Variants in PCSK6 observed in about 807,000 individuals in gnomAD.
The protein encoded by PCSK6 is proprotein convertase subtilisin/kexin type 6.
In PCSK6, 85 loss-of-function variants were observed where a neutral mutation model predicts 123.3. The ratio of observed to expected loss-of-function variants is 0.69; its 90% confidence interval spans 0.58 to 0.83. The LOEUF (loss-of-function observed/expected upper bound fraction) is 0.83, where lower values mean the gene tolerates loss of function less well. PCSK6 is among the 40% of genes least tolerant of loss of function. The pLI is 0.00. For synonymous variants in PCSK6, 508 were observed against 516.0 expected (o/e 0.98, Z 0.21); for missense variants, 1,191 against 1,282.3 (o/e 0.93, Z 1.09).
intron 15 of PCSK6, among the ~76,000 whole-genome samples, chr15:101,329,876 C>T (rs991928888): frequency 4.6e-5 from 7 of 152,244 alleles, no homozygotes; most frequent in African/African-American, 1.7e-4. Context: ...CTCCTGCCCC[C>T]ATCCTCGCTG....
rs2056397927 is a variant in PCSK6 at position 101,430,078 on chromosome 15, C to T, written c.658-15G>A. 7 of 1,609,648 alleles carry T rather than the reference C, an allele frequency of 4.3e-6. No homozygotes were observed. Among genetic ancestry groups the T allele is most frequent in the African/African-American group, 2.7e-5 (2 of 74,794 alleles). On this transcript the variant is annotated splice_polypyrimidine_tract_variant and intron_variant, in intron 4 of 21. Coordinates refer to ENST00000611716, the MANE Select transcript of PCSK6 (RefSeq NM_002570.5). ...GCGTAGGAATCCTAAGAAATGGAAT[C>T]GTGGTGAGTGAGGAGAAATGGCATG...
intron 17 of PCSK6, among the ~76,000 whole-genome samples, chr15:101,324,358 G>A (rs2040199381): frequency 1.3e-5 from 2 of 152,240 alleles, no homozygotes; most frequent in Non-Finnish European, 2.9e-5. Context: ...GCCGAGGAGG[G>A]CTCTCCCCCA....
chr15:101,384,219 T>C, intron 10 of PCSK6, 103 bp downstream of exon 10: 17 of 1,518,310 alleles, frequency 1.1e-5, no homozygotes, highest in Non-Finnish European at 1.4e-5. Flanking sequence ...CAATTAATAA[T>C]AACAACTAAT....
intron 18 of PCSK6, among the ~76,000 whole-genome samples, chr15:101,320,331 C>T (rs2040090590): frequency 6.6e-6 from 1 of 152,226 alleles, no homozygotes; most frequent in African/African-American, 2.4e-5. Flanking sequence ...AGTGATCTGC[C>T]TGCCTCGGCC....
intron 2 of PCSK6, among the ~76,000 whole-genome samples, chr15:101,434,068 A>T (rs771614076): frequency 9.9e-5 from 15 of 152,246 alleles, no homozygotes; most frequent in Non-Finnish European, 1.6e-4. Context: ...AAATAAAACT[A>T]TAAAATGAGA....
chr15:101,370,809 C>T (rs73477062), intron 11 of PCSK6, among the ~76,000 whole-genome samples: 4 of 152,234 alleles, frequency 2.6e-5, no homozygotes, highest in East Asian at 1.9e-4. Flanking sequence ...TTTGGGAGGC[C>T]GAGGCACCGC....
intron 1 of PCSK6, among the ~76,000 whole-genome samples, chr15:101,486,741 T>C (rs2058029479): frequency 6.6e-6 from 1 of 152,114 alleles, no homozygotes; most frequent in African/African-American, 2.4e-5. Context: ...TTATTAGTTG[T>C]ATGGAAGAAA....
intron 1 of PCSK6, among the ~76,000 whole-genome samples, chr15:101,482,757 T>G (rs796604847): frequency 6.6e-6 from 1 of 152,136 alleles, no homozygotes; most frequent in Non-Finnish European, 1.5e-5. Flanking sequence ...AATGGTCCAG[T>G]CAGCTGAGCC....
intron 1 of PCSK6, among the ~76,000 whole-genome samples, chr15:101,481,235 A>G (rs192292568): frequency 6.6e-6 from 1 of 152,052 alleles, no homozygotes; most frequent in East Asian, 1.9e-4. Context: ...GACGAAGGGT[A>G]CATCCGGCGG....
At chr15:101,413,640 G>T (rs2055782972) in intron 6 of PCSK6, among the ~76,000 whole-genome samples, 1 of 152,144 alleles carries the variant, frequency 6.6e-6, no homozygotes, top group Non-Finnish European at 1.5e-5. Context: ...CAGACCGGGG[G>T]GCTACAGTTA....
chr15:101,436,556 G>A (rs1022919470), intron 2 of PCSK6, among the ~76,000 whole-genome samples: 4 of 152,164 alleles, frequency 2.6e-5, no homozygotes, highest in East Asian at 1.9e-4. Flanking sequence ...GGAGGGAGTC[G>A]GAGGCCATAC....
intron 1 of PCSK6, among the ~76,000 whole-genome samples, chr15:101,459,237 C>T (rs1443000740): frequency 6.6e-6 from 1 of 152,160 alleles, no homozygotes; most frequent in Non-Finnish European, 1.5e-5. Flanking sequence ...GCTGAAAGCC[C>T]CTACGTGCCT....
At chr15:101,351,916 G>T (rs189270069) in intron 13 of PCSK6, among the ~76,000 whole-genome samples, 71 of 152,226 alleles carry the variant, frequency 4.7e-4, no homozygotes, top group African/African-American at 1.7e-3. Context: ...TTTATAAAGT[G>T]AGGTCAGAAC....
At chr15:101,438,407 TCA>T (rs2056663252) in intron 2 of PCSK6, among the ~76,000 whole-genome samples, 1 of 152,168 alleles carries the variant, frequency 6.6e-6, no homozygotes, top group Non-Finnish European at 1.5e-5. Context: ...CTTATAGGAG[TCA>T]CATCTCTGGA....
At chr15:101,457,669 GC>G (rs2057224029) in intron 1 of PCSK6, among the ~76,000 whole-genome samples, 1 of 152,182 alleles carries the variant, frequency 6.6e-6, no homozygotes, top group African/African-American at 2.4e-5. Context: ...CCTAGACGGA[GC>G]CATACAGGGC....
intron 1 of PCSK6, among the ~76,000 whole-genome samples, chr15:101,481,720 A>G (rs2057890665): frequency 6.6e-6 from 1 of 152,164 alleles, no homozygotes; most frequent in Non-Finnish European, 1.5e-5. Context: ...CCACTAAGGT[A>G]GACAGGGGTC....
chr15:101,420,755 T>C (rs966976539), intron 6 of PCSK6, among the ~76,000 whole-genome samples: 1 of 152,178 alleles, frequency 6.6e-6, no homozygotes, highest in African/African-American at 2.4e-5. Flanking sequence ...AATATAAAAT[T>C]AAAGTCTCTC....
intron 11 of PCSK6, among the ~76,000 whole-genome samples, chr15:101,373,065 A>T (rs970566699): frequency 2.0e-5 from 3 of 151,462 alleles, no homozygotes; most frequent in Admixed American, 1.3e-4. Context: ...AGCCCCACCC[A>T]CAGAGCGAAC....
chr15:101,356,535 C>A (rs924759670), intron 13 of PCSK6, among the ~76,000 whole-genome samples: 4 of 147,950 alleles, frequency 2.7e-5, no homozygotes, highest in Non-Finnish European at 5.9e-5. Context: ...AAAAAATTAG[C>A]CAGATGTGGT....
Sources: gnomAD v4.1 joint callset for allele counts (sites outside exome capture counted in the v4.1 genomes callset) on GRCh38, gnomAD v4.1.1 for gene constraint, MANE v1.5 for transcripts, NCBI Gene and HGNC (gene_info 2026-07-23, HGNC 2026-07-21) for gene names.